The following NALF1 variants were observed in gnomAD, a reference collection of about 807,000 sequenced individuals.
NALF1 encodes the protein NALCN channel auxiliary factor 1.
NALF1 carries 3 observed loss-of-function variants against 48.4 expected under a neutral mutation model. The ratio of observed to expected loss-of-function variants is 0.06; its 90% CI spans 0.03 to 0.16. NALF1 has a LOEUF of 0.16. Among genes scored for constraint, NALF1 ranks in the 10% least tolerant of loss-of-function variants. NALF1 has a pLI of 1.00. For synonymous variants in NALF1, 262 were observed against 245.7 expected (o/e 1.07, Z -0.62); for missense variants, 526 against 571.5 (o/e 0.92, Z 0.81).
At chr13:107,277,729 T>C (rs1881309039) in intron 1 of NALF1, among the ~76,000 whole-genome samples, 1 of 152,218 alleles carries the variant, frequency 6.6e-6, no homozygotes, top group African/African-American at 2.4e-5. Flanking sequence ...TCAACCAATT[T>C]CTAGCTTTTT....
At chr13:107,605,052 A>G (rs1879027630) in intron 1 of NALF1, among the ~76,000 whole-genome samples, 1 of 152,168 alleles carries the variant, frequency 6.6e-6, no homozygotes, top group Non-Finnish European at 1.5e-5. Flanking sequence ...AAATTCCATC[A>G]TTTGTCCCAG....
intron 1 of NALF1, among the ~76,000 whole-genome samples, chr13:107,390,568 G>A (rs952964243): frequency 6.6e-6 from 1 of 151,982 alleles, no homozygotes; most frequent in African/African-American, 2.4e-5. Flanking sequence ...GCGACAGAGC[G>A]AGGCTCCATC....
chr13:107,750,420 T>G (rs1455579857), intron 1 of NALF1, among the ~76,000 whole-genome samples: 1 of 152,230 alleles, frequency 6.6e-6, no homozygotes, highest in African/African-American at 2.4e-5. Context: ...TGCATAACCA[T>G]TTTTAAATCC....
At position 107,269,519 on chromosome 13, in the gene NALF1, G is replaced by A. The variant is rs138522628; in HGVS notation, c.916-58764C>T. On this transcript the variant is annotated intron_variant, in intron 1 of 2. Transcript: ENST00000375915. ...TATTTTAAAATAGGTCCTGTATCAAGGTTTGAACTTATTTGTATTTCTGTA... is the reference window on the plus strand; with the variant it reads ...TATTTTAAAATAGGTCCTGTATCAAAGTTTGAACTTATTTGTATTTCTGTA... Among the ~76,000 whole-genome samples, 650 of 152,228 alleles carry A rather than the reference G, an allele frequency of 4.3e-3. 2 individuals are homozygous for A. The highest frequency in any genetic ancestry group is 0.015 in the African/African-American group (626 of 41,528).
intron 1 of NALF1, among the ~76,000 whole-genome samples, chr13:107,285,845 A>G (rs11620588): frequency 6.6e-6 from 1 of 152,114 alleles, no homozygotes; most frequent in East Asian, 1.9e-4. Flanking sequence ...ATAATATGTG[A>G]AAGTGTCCAA....
rs536044141 is a variant in NALF1, at chr13:107,797,940, C to T, written c.915+67742G>A. ...ATATAAATGGCCCAAGATGGCTTTT[C>T]TTTTCTACATTTAAAAAATTTGAAA... On this transcript the variant is annotated intron_variant, in intron 1 of 2. Coordinates refer to ENST00000375915, the MANE Select transcript of NALF1 (RefSeq NM_001080396.3). Among the ~76,000 whole-genome samples, 67 of 152,206 alleles carry T rather than the reference C, an allele frequency of 4.4e-4. 1 individual carries two copies. In the South Asian group the frequency reaches 0.013, roughly 30 times the overall value.
At chr13:107,556,334 C>A (rs776230266) in intron 1 of NALF1, among the ~76,000 whole-genome samples, 20 of 146,810 alleles carry the variant, frequency 1.4e-4, no homozygotes, top group Non-Finnish European at 2.5e-4. Flanking sequence ...TATATATACA[C>A]ACACATATAT....
rs549026613 is a variant in NALF1, at chr13:107,299,435, CAATAAT to C, written c.916-88686_916-88681del. On this transcript the variant is annotated intron_variant, in intron 1 of 2. Transcript: ENST00000375915. Reference sequence around the variant, plus strand: ...TGGGCTACAGAGCGAGACTTTGTCTCAATAATAATAATAATAATAATAATAATAATA... The same window carrying C: ...TGGGCTACAGAGCGAGACTTTGTCTCAATAATAATAATAATAATAATAATA... Among the ~76,000 whole-genome samples the C allele has an allele frequency of 8.1e-3, 1,006 of 124,118 alleles. 14 individuals are homozygous for C. The highest frequency in any genetic ancestry group is 0.025 in the African/African-American group (889 of 35,402). The allele number at this position is 124,118 out of a possible 152,430, so 81.4% of individuals were successfully genotyped here. A position where few individuals can be genotyped will look rare whatever the true frequency, so the allele number is the denominator to read the frequency against.
intron 1 of NALF1, among the ~76,000 whole-genome samples, chr13:107,847,612 G>A (rs959708985): frequency 4.6e-5 from 7 of 152,340 alleles, no homozygotes; most frequent in Non-Finnish European, 8.8e-5. Flanking sequence ...AGGGTCACAG[G>A]CAAAGAAGTT....
intron 1 of NALF1, among the ~76,000 whole-genome samples, chr13:107,521,097 A>G (rs1876223166): frequency 6.6e-6 from 1 of 152,232 alleles, no homozygotes; most frequent in Non-Finnish European, 1.5e-5. Flanking sequence ...TTCACACAGC[A>G]TGACTAGAAG....
intron 1 of NALF1, among the ~76,000 whole-genome samples, chr13:107,250,742 T>G (rs768175286): frequency 6.6e-6 from 1 of 151,960 alleles, no homozygotes; most frequent in African/African-American, 2.4e-5. Context: ...CCCAAACTCA[T>G]GTCCATTTGT....
chr13:107,454,730 G>T (rs2139037977), intron 1 of NALF1, among the ~76,000 whole-genome samples: 1 of 152,244 alleles, frequency 6.6e-6, no homozygotes, highest in African/African-American at 2.4e-5. Flanking sequence ...GAAATACTGA[G>T]CCTGTGTTTT....
intron 1 of NALF1, among the ~76,000 whole-genome samples, chr13:107,398,401 A>C (rs941395700): frequency 3.3e-5 from 5 of 151,438 alleles, no homozygotes; most frequent in African/African-American, 7.3e-5. Flanking sequence ...AAAAAAAAAA[A>C]CCCAAACAGT....
At chr13:107,793,350 C>G (rs1393128386) in intron 1 of NALF1, among the ~76,000 whole-genome samples, 1 of 152,152 alleles carries the variant, frequency 6.6e-6, no homozygotes, top group African/African-American at 2.4e-5. Context: ...ACATTGTCAA[C>G]ACTAGAACTG....
At chr13:107,491,143 A>G (rs767848666) in intron 1 of NALF1, among the ~76,000 whole-genome samples, 7 of 152,210 alleles carry the variant, frequency 4.6e-5, no homozygotes, top group Non-Finnish European at 7.3e-5. Context: ...GATTCCTGGC[A>G]CAATGGAACA....
chr13:107,319,701 G>T (rs115928942), intron 1 of NALF1, among the ~76,000 whole-genome samples: 12 of 152,056 alleles, frequency 7.9e-5, no homozygotes, highest in Non-Finnish European at 1.3e-4. Flanking sequence ...AGTACTGAAG[G>T]TTTAAATTAC....
chr13:107,850,602 G>A (rs1318460850), intron 1 of NALF1, among the ~76,000 whole-genome samples: 2 of 152,086 alleles, frequency 1.3e-5, no homozygotes, highest in South Asian at 2.1e-4. Flanking sequence ...TTTGGAAAGC[G>A]ATATTTAAAA....
At chr13:107,396,960 C>A (rs553397400) in intron 1 of NALF1, among the ~76,000 whole-genome samples, 4 of 152,224 alleles carry the variant, frequency 2.6e-5, no homozygotes, top group Non-Finnish European at 5.9e-5. Flanking sequence ...TTAAATAGTA[C>A]AAAATTACTT....
chr13:107,627,577 T>A (rs1031549776), intron 1 of NALF1, among the ~76,000 whole-genome samples: 1 of 152,112 alleles, frequency 6.6e-6, no homozygotes, highest in Non-Finnish European at 1.5e-5. Context: ...GGCGTATTCT[T>A]TGTTATAAGC....
Sources: gnomAD v4.1 joint callset for allele counts (sites outside exome capture counted in the v4.1 genomes callset) on GRCh38, gnomAD v4.1.1 for gene constraint, MANE v1.5 for transcripts, NCBI Gene and HGNC (gene_info 2026-07-23, HGNC 2026-07-21) for gene names.